The following TSHZ3 variants were observed in gnomAD, a reference collection of about 807,000 sequenced individuals.
TSHZ3 encodes the protein teashirt zinc finger homeobox 3.
In TSHZ3, 10 loss-of-function variants were observed where a neutral mutation model predicts 64.5. That is an observed-to-expected ratio of 0.16 (90% CI 0.10 to 0.26). The LOEUF is 0.26. Among genes scored for constraint, TSHZ3 ranks in the 10% least tolerant of loss-of-function variants. TSHZ3 has a pLI of 1.00. For missense variants in TSHZ3, 1,242 were observed against 1,421.7 expected (o/e 0.87, Z 2.03); for synonymous variants, 608 against 593.1 (o/e 1.03, Z -0.36).
At chr19:31,196,853 T>C (rs562549595) in intron 5 of TSHZ3, among the ~76,000 whole-genome samples, 1 of 152,034 alleles carries the variant, frequency 6.6e-6, no homozygotes, top group East Asian at 1.9e-4. Flanking sequence ...ATGAATCCAA[T>C]ATTATACTTA....
At chr19:31,337,287 GA>G (rs1179124239) in intron 1 of TSHZ3, among the ~76,000 whole-genome samples, 2 of 152,084 alleles carry the variant, frequency 1.3e-5, no homozygotes, top group African/African-American at 4.8e-5. Flanking sequence ...GAGAAAAGGG[GA>G]TAAGAAGAAA....
At chr19:31,166,919 T>C (rs1285736544) in intron 5 of TSHZ3, among the ~76,000 whole-genome samples, 1 of 152,148 alleles carries the variant, frequency 6.6e-6, no homozygotes, top group African/African-American at 2.4e-5. Context: ...CAAGGAAGCA[T>C]GGCACATTTT....
chr19:31,211,312 G>T (rs1452118046), intron 4 of TSHZ3, among the ~76,000 whole-genome samples: 1 of 152,162 alleles, frequency 6.6e-6, no homozygotes, highest in Non-Finnish European at 1.5e-5. Context: ...GAAATTGCTG[G>T]GAATGGTAGC....
At chr19:31,242,898 T>C (rs1172392200) in intron 1 of TSHZ3, among the ~76,000 whole-genome samples, 1 of 151,942 alleles carries the variant, frequency 6.6e-6, no homozygotes, top group Non-Finnish European at 1.5e-5. Context: ...AAGCACAAAC[T>C]CAACTTTCCT....
chr19:31,321,993 C>T (rs1916785874), intron 1 of TSHZ3, among the ~76,000 whole-genome samples: 1 of 152,114 alleles, frequency 6.6e-6, no homozygotes, highest in Admixed American at 6.6e-5. Context: ...CCCCTACCCC[C>T]AAAAAGGCCC....
chr19:31,154,810 A>C (rs984039457), intron 6 of TSHZ3, among the ~76,000 whole-genome samples: 3 of 151,792 alleles, frequency 2.0e-5, no homozygotes, highest in African/African-American at 7.2e-5. Context: ...CTGGTTTTTT[A>C]GCCTTCAGGC....
chr19:31,323,863 AACACACACACACACACACACACACAC>A (rs58051976), intron 1 of TSHZ3, among the ~76,000 whole-genome samples: 23 of 122,328 alleles, frequency 1.9e-4, no homozygotes, highest in Admixed American at 4.9e-4. Context: ...CCTGGCCTCC[AACACACACACACACACACACACACAC>A]ACACACACAC....
In TSHZ3 at chr19:31,159,022, C is replaced by T. The variant is rs140579048; in HGVS notation, n.810-2605G>A. The stretch of plus-strand genomic sequence containing the variant: ...GTTTGTTTGTTTGTTTGTTTTGAGA[C>T]GGACTCTGGCTTTGTCACCCATGCT... On this transcript the variant is annotated intron_variant and non_coding_transcript_variant, in intron 5 of 6. Coordinates refer to the TSHZ3 transcript ENST00000651361. 1.6e-4 allele frequency among the ~76,000 whole-genome samples: 24 copies of T among 151,888 alleles called. 1 individual carries two copies. Among genetic ancestry groups the T allele is most frequent in the South Asian group, 1.0e-3 (5 of 4,806 alleles).
At chr19:31,181,403 A>T (rs1974711744) in intron 5 of TSHZ3, among the ~76,000 whole-genome samples, 1 of 152,092 alleles carries the variant, frequency 6.6e-6, no homozygotes, top group African/African-American at 2.4e-5. Flanking sequence ...GTTTTGGAAG[A>T]TGTACCATCT....
chr19:31,350,049 C>A (rs1331187414), upstream of TSHZ3, among the ~76,000 whole-genome samples: 1 of 143,982 alleles, frequency 6.9e-6, no homozygotes, highest in South Asian at 2.2e-4. Flanking sequence ...TACCCCCCAC[C>A]CCTATTCCCA....
At chr19:31,340,760 C>T (rs977850877) in intron 1 of TSHZ3, among the ~76,000 whole-genome samples, 1 of 152,214 alleles carries the variant, frequency 6.6e-6, no homozygotes, top group African/African-American at 2.4e-5. Flanking sequence ...GCCCAGACCC[C>T]AGGACCCTCT....
intron 5 of TSHZ3, among the ~76,000 whole-genome samples, chr19:31,161,063 A>T (rs975598511): frequency 6.6e-6 from 1 of 152,162 alleles, no homozygotes; most frequent in Non-Finnish European, 1.5e-5. Context: ...TTTAACATTC[A>T]TTTATATATC....
downstream of TSHZ3, among the ~76,000 whole-genome samples, chr19:31,270,274 G>T (rs1976117220): frequency 6.6e-6 from 1 of 152,216 alleles, no homozygotes. Flanking sequence ...ACATCACTGA[G>T]ATGTGAGCTC....
chr19:31,253,779 C>T (rs1051902003), intron 1 of TSHZ3, among the ~76,000 whole-genome samples: 3 of 152,186 alleles, frequency 2.0e-5, no homozygotes, highest in African/African-American at 7.2e-5. Context: ...ATAGAAAGGG[C>T]CAACTCCCTG....
intron 5 of TSHZ3, among the ~76,000 whole-genome samples, chr19:31,157,528 T>C (rs1317084952): frequency 1.3e-5 from 2 of 152,206 alleles, no homozygotes; most frequent in Admixed American, 6.5e-5. Context: ...AGAATAACTG[T>C]GCTGGTTCTT....
chr19:31,207,184 T>G (rs1193684406), intron 4 of TSHZ3, among the ~76,000 whole-genome samples: 1 of 152,180 alleles, frequency 6.6e-6, no homozygotes, highest in Non-Finnish European at 1.5e-5. Flanking sequence ...TTGAAAAAAG[T>G]GATTATATAT....
intron 1 of TSHZ3, among the ~76,000 whole-genome samples, chr19:31,330,891 C>A (rs948848678): frequency 1.1e-4 from 16 of 152,006 alleles, no homozygotes; most frequent in Non-Finnish European, 8.8e-5. Context: ...ATTGACATGC[C>A]CAAAAACTGA....
intron 1 of TSHZ3, among the ~76,000 whole-genome samples, chr19:31,259,416 C>T (rs914893853): frequency 3.3e-5 from 5 of 152,090 alleles, no homozygotes; most frequent in Non-Finnish European, 4.4e-5. Flanking sequence ...ACTTATGTTA[C>T]CCCATAACAG....
rs572559778 is a variant in TSHZ3, at chr19:31,196,147, G to A, written n.809+8809C>T. Among the ~76,000 whole-genome samples the A allele has an allele frequency of 6.6e-4, 101 of 151,884 alleles. No individual in the cohort carries two copies. In the South Asian group the frequency reaches 0.012, roughly 17 times the overall value. ...AAATGAAAACAATGACATAAGGGACGGGAAGGAAGAATTAGGAGTATTTTG... is the reference window on the plus strand; with the variant it reads ...AAATGAAAACAATGACATAAGGGACAGGAAGGAAGAATTAGGAGTATTTTG... On this transcript the variant is annotated intron_variant and non_coding_transcript_variant, in intron 5 of 6. Transcript: ENST00000651361.
Sources: gnomAD v4.1 joint callset for allele counts (sites outside exome capture counted in the v4.1 genomes callset) on GRCh38, gnomAD v4.1.1 for gene constraint, MANE v1.5 for transcripts, NCBI Gene and HGNC (gene_info 2026-07-23, HGNC 2026-07-21) for gene names.